The following ST8SIA5 variants were observed in gnomAD, a reference collection of about 807,000 sequenced individuals.
ST8SIA5 encodes the protein alpha-2,8-sialyltransferase 8E.
In ST8SIA5, 24 loss-of-function variants were observed where a neutral mutation model predicts 40.2. The observed-to-expected ratio is 0.60, with a 90% CI of 0.43 to 0.84. The LOEUF (loss-of-function observed/expected upper bound fraction) is 0.84. Among genes scored for constraint, ST8SIA5 ranks in the 40% least tolerant of loss-of-function variants. The probability of loss-of-function intolerance (pLI) is 0.00; values close to 1 mark genes in which losing one functional copy is unlikely to be tolerated. For missense variants in ST8SIA5, 465 were observed against 498.5 expected (o/e 0.93, Z 0.64); for synonymous variants, 198 against 201.8 (o/e 0.98, Z 0.16).
chr18:46,700,562 C>T (rs2039602445), intron 2 of ST8SIA5, among the ~76,000 whole-genome samples: 1 of 152,162 alleles, frequency 6.6e-6, no homozygotes, highest in African/African-American at 2.4e-5. Context: ...AGCTTGGGGA[C>T]TCAGGAAAGG....
chr18:46,755,508 T>G (rs1269164850), intron 1 of ST8SIA5, among the ~76,000 whole-genome samples: 1 of 152,118 alleles, frequency 6.6e-6, no homozygotes, highest in African/African-American at 2.4e-5. Flanking sequence ...GAACCTCCCC[T>G]AATCTCTCAA....
At chr18:46,714,102 G>A (rs1370533580) in intron 1 of ST8SIA5, among the ~76,000 whole-genome samples, 1 of 152,156 alleles carries the variant, frequency 6.6e-6, no homozygotes, top group Non-Finnish European at 1.5e-5. Flanking sequence ...GAAGCACTTC[G>A]AACCAGGAGG....
Position 46,755,704 on chromosome 18 carries a change from G to T in ST8SIA5, c.131+674C>A, listed in dbSNP as rs58095490. Among the ~76,000 whole-genome samples, 1,092 of 152,226 alleles carry T rather than the reference G, an allele frequency of 7.2e-3. 9 individuals carry two copies. Among genetic ancestry groups the T allele is most frequent in the Middle Eastern group, 0.034 (10 of 294 alleles). On this transcript the variant is annotated intron_variant, in intron 1 of 6. Transcript: ENST00000315087. ...CGTGGATTGGGGTGGAGTAGGGGGA[G>T]AGCCCAACGAGGGGTTAACTTATGC...
At chr18:46,723,903 G>C (rs2039888382) in intron 1 of ST8SIA5, among the ~76,000 whole-genome samples, 1 of 151,946 alleles carries the variant, frequency 6.6e-6, no homozygotes, top group Admixed American at 6.6e-5. Flanking sequence ...TCCAGCCTGG[G>C]TGACAAGAGC....
intron 6 of ST8SIA5, 135 bp downstream of exon 6, chr18:46,681,837 C>T: frequency 1.3e-6 from 1 of 779,570 alleles, no homozygotes; most frequent in Admixed American, 2.8e-5. Flanking sequence ...TGTATTAAGT[C>T]TTTGAAACCC....
intron 2 of ST8SIA5, among the ~76,000 whole-genome samples, chr18:46,702,944 T>A (rs763557010): frequency 2.6e-5 from 4 of 152,216 alleles, no homozygotes; most frequent in Non-Finnish European, 5.9e-5. Flanking sequence ...CCCAGCTGGA[T>A]GCTGGTCTCA....
intron 1 of ST8SIA5, among the ~76,000 whole-genome samples, chr18:46,741,637 C>T (rs1742784282): frequency 1.3e-5 from 2 of 152,106 alleles, no homozygotes; most frequent in African/African-American, 4.8e-5. Flanking sequence ...TAATAGCAAA[C>T]AAAATCTCAC....
chr18:46,721,463 G>A, intron 1 of ST8SIA5: 1 of 1,536,076 alleles, frequency 6.5e-7, no homozygotes, highest in South Asian at 1.2e-5. Flanking sequence ...AACCAAACTG[G>A]AGGCCTCTGG....
chr18:46,688,736 C>T, intron 4 of ST8SIA5, 39 bp downstream of exon 4: 1 of 1,585,612 alleles, frequency 6.3e-7, no homozygotes. Context: ...TGGATTGGCT[C>T]CCTCGCCCCA....
intron 1 of ST8SIA5, among the ~76,000 whole-genome samples, chr18:46,722,089 G>A (rs1487430543): frequency 1.3e-5 from 2 of 152,122 alleles, no homozygotes; most frequent in Admixed American, 6.6e-5. Flanking sequence ...ACCAGACAGT[G>A]GACATCTTAC....
intron 1 of ST8SIA5, among the ~76,000 whole-genome samples, chr18:46,714,518 A>C (rs995442265): frequency 2.6e-5 from 4 of 152,166 alleles, no homozygotes; most frequent in African/African-American, 9.6e-5. Flanking sequence ...CCTGCAGTGA[A>C]GAAGGGGTGA....
intron 1 of ST8SIA5, among the ~76,000 whole-genome samples, chr18:46,725,998 T>TATATATCCTGG (rs2039922588): frequency 1.4e-5 from 1 of 69,684 alleles, no homozygotes; most frequent in Non-Finnish European, 2.7e-5. Context: ...TATATATATA[T>TATATATCCTGG]ATATATATAT....
At chr18:46,706,294 T>G (rs2039669439) in intron 1 of ST8SIA5, among the ~76,000 whole-genome samples, 1 of 152,190 alleles carries the variant, frequency 6.6e-6, no homozygotes, top group Non-Finnish European at 1.5e-5. Context: ...GTATTGAAGA[T>G]TCCCAAAATA....
chr18:46,753,212 A>G (rs2040210864), intron 1 of ST8SIA5, among the ~76,000 whole-genome samples: 1 of 152,088 alleles, frequency 6.6e-6, no homozygotes, highest in Non-Finnish European at 1.5e-5. Flanking sequence ...TCATTATCCA[A>G]TATTTATTGA....
intron 1 of ST8SIA5, among the ~76,000 whole-genome samples, chr18:46,742,763 G>C (rs1016378855): frequency 3.9e-5 from 6 of 152,158 alleles, no homozygotes; most frequent in Non-Finnish European, 8.8e-5. Context: ...GCCTCCTCAA[G>C]GGGGTCCCTG....
intron 1 of ST8SIA5, among the ~76,000 whole-genome samples, chr18:46,739,261 G>A (rs1484496675): frequency 3.9e-5 from 6 of 152,204 alleles, no homozygotes; most frequent in African/African-American, 1.4e-4. Flanking sequence ...CCCTTCACTG[G>A]CCGGGTGTGG....
intron 1 of ST8SIA5, among the ~76,000 whole-genome samples, chr18:46,722,221 T>G (rs1362887477): frequency 6.6e-6 from 1 of 152,132 alleles, no homozygotes; most frequent in African/African-American, 2.4e-5. Context: ...GTTTGAAGTC[T>G]GCACAAAAAG....
chr18:46,701,102 A>G (rs899791950), intron 2 of ST8SIA5, among the ~76,000 whole-genome samples: 10 of 139,340 alleles, frequency 7.2e-5, no homozygotes, highest in Non-Finnish European at 1.5e-4. Flanking sequence ...CCAGGACCAT[A>G]TAATGAAACC....
intron 1 of ST8SIA5, among the ~76,000 whole-genome samples, chr18:46,709,885 T>C (rs1249743747): frequency 6.6e-6 from 1 of 152,228 alleles, no homozygotes; most frequent in Non-Finnish European, 1.5e-5. Context: ...TAATAAATTC[T>C]TTTTTAAGTC....
Sources: allele counts gnomAD v4.1 joint callset (sites outside exome capture counted in the v4.1 genomes callset), GRCh38; gene constraint gnomAD v4.1.1; transcripts MANE v1.5; gene names NCBI Gene and HGNC (gene_info 2026-07-23, HGNC 2026-07-21).